FRMD4B: variants seen among roughly 807,000 people sequenced by gnomAD.
FRMD4B encodes FERM domain-containing protein 4B.
FRMD4B carries 74 observed loss-of-function variants against 141.5 expected under a neutral mutation model. The observed-to-expected ratio is 0.52, with a 90% CI of 0.43 to 0.63. The LOEUF is 0.63. Among genes scored for constraint, FRMD4B ranks in the 30% least tolerant of loss-of-function variants. The probability of loss-of-function intolerance (pLI) is 0.00; values close to 1 mark genes in which losing one functional copy is unlikely to be tolerated. For synonymous variants in FRMD4B, 506 were observed against 467.9 expected, an observed-to-expected ratio of 1.08 and a Z score of -1.05; for missense variants, 1,366 against 1,253.4, an observed-to-expected ratio of 1.09 and a Z score of -1.36.
chr3:69,325,302 A>T (rs2107304618), intron 1 of FRMD4B, among the ~76,000 whole-genome samples: 1 of 152,326 alleles, frequency 6.6e-6, no homozygotes, highest in South Asian at 2.1e-4. Flanking sequence ...ATGGACGGCC[A>T]TTGCTGCAGC....
chr3:69,357,376 C>A (rs900671), intron 1 of FRMD4B, among the ~76,000 whole-genome samples: 62,565 of 152,084 alleles, frequency 0.41, 14,995 homozygotes, highest in African/African-American at 0.67. Context: ...ACTTGGGGAG[C>A]CCTGTTTAGG....
intron 1 of FRMD4B, among the ~76,000 whole-genome samples, chr3:69,456,074 C>CTA (rs1178812790): frequency 6.6e-6 from 1 of 152,202 alleles, no homozygotes; most frequent in African/African-American, 2.4e-5. Context: ...TGCCGAGTAT[C>CTA]TCTAAAGAAC....
At chr3:69,412,266 T>C (rs1006574712) in intron 2 of FRMD4B, among the ~76,000 whole-genome samples, 10 of 152,292 alleles carry the variant, frequency 6.6e-5, no homozygotes, top group African/African-American at 1.7e-4. Context: ...GCAGATTCAA[T>C]AGACCTTTTG....
intron 1 of FRMD4B, among the ~76,000 whole-genome samples, chr3:69,479,418 T>C (rs1208734916): frequency 6.6e-6 from 1 of 152,146 alleles, no homozygotes; most frequent in African/African-American, 2.4e-5. Flanking sequence ...ACAAAATCTC[T>C]CAGCATTTGC....
chr3:69,343,894 C>A (rs955850979), intron 1 of FRMD4B, among the ~76,000 whole-genome samples: 4 of 152,028 alleles, frequency 2.6e-5, no homozygotes, highest in African/African-American at 9.7e-5. Context: ...TTAACAGTTT[C>A]TATACTCCCC....
chr3:69,270,474 T>G (rs191487809), intron 5 of FRMD4B, among the ~76,000 whole-genome samples: 30 of 152,350 alleles, frequency 2.0e-4, no homozygotes, highest in Admixed American at 1.8e-3. Flanking sequence ...TATGGATAAG[T>G]TTGGTTTTGT....
At chr3:69,212,360 AAAAAAAAAAAAAAAAAAAAAG>A (rs1443781150) in intron 11 of FRMD4B, among the ~76,000 whole-genome samples, 111 of 39,542 alleles carry the variant, frequency 2.8e-3, no homozygotes, top group African/African-American at 9.2e-3. Flanking sequence ...ACCCCGTCTC[AAAAAAAAAAAAAAAAAAAAAG>A]AAAAAAAAAA....
At chr3:69,315,920 A>G (rs973875160) in intron 1 of FRMD4B, among the ~76,000 whole-genome samples, 2 of 152,334 alleles carry the variant, frequency 1.3e-5, no homozygotes, top group African/African-American at 4.8e-5. Context: ...AATAGCCTCC[A>G]TTACTGAGTA....
rs6549229 is a variant in FRMD4B at position 69,529,277 on chromosome 3, C to T, written c.-129+12929G>A. 2.1e-3 allele frequency among the ~76,000 whole-genome samples: 327 copies of T among 152,262 alleles called. 2 individuals are homozygous for T. The highest frequency in any genetic ancestry group is 7.6e-3 in the African/African-American group (314 of 41,552). Reference sequence around the variant, plus strand: ...GATTGTTTTGTGGAATTTCCTGATTCGTAATTGCTGTTGATTGATTCAAAT... The same window carrying T: ...GATTGTTTTGTGGAATTTCCTGATTTGTAATTGCTGTTGATTGATTCAAAT... On this transcript the variant is annotated intron_variant, in intron 1 of 5. Transcript: ENST00000459638.
chr3:69,394,360 C>T (rs568749980), intron 2 of FRMD4B, among the ~76,000 whole-genome samples: 7 of 152,336 alleles, frequency 4.6e-5, no homozygotes, highest in Admixed American at 3.3e-4. Context: ...GTTTCAAATA[C>T]GGATCTTGGG....
intron 17 of FRMD4B, among the ~76,000 whole-genome samples, chr3:69,192,526 A>G (rs1227368010): frequency 6.6e-6 from 1 of 152,214 alleles, no homozygotes; most frequent in Non-Finnish European, 1.5e-5. Flanking sequence ...ATAAACATGT[A>G]AGGTCAATTG....
At chr3:69,212,052 G>A (rs1369941823) in intron 11 of FRMD4B, among the ~76,000 whole-genome samples, 1 of 150,750 alleles carries the variant, frequency 6.6e-6, no homozygotes, top group African/African-American at 2.4e-5. Flanking sequence ...AACGGAGAAA[G>A]AGAAGGCAAG....
intron 4 of FRMD4B, among the ~76,000 whole-genome samples, chr3:69,296,973 C>T (rs1274234660): frequency 6.6e-6 from 1 of 152,120 alleles, no homozygotes; most frequent in Non-Finnish European, 1.5e-5. Context: ...TCTGTACAGA[C>T]GTTTTTGTAA....
At chr3:69,229,774 C>T (rs1575634867) in intron 7 of FRMD4B, among the ~76,000 whole-genome samples, 2 of 152,092 alleles carry the variant, frequency 1.3e-5, no homozygotes, top group East Asian at 1.9e-4. Context: ...GTCGTGCGAT[C>T]TTGTTTGGTC....
intron 3 of FRMD4B, among the ~76,000 whole-genome samples, chr3:69,308,001 G>T (rs1360579313): frequency 6.6e-6 from 1 of 152,070 alleles, no homozygotes; most frequent in Non-Finnish European, 1.5e-5. Context: ...CTCTTGCCTA[G>T]GATGTCACCT....
At chr3:69,467,227 C>A (rs956009343) in intron 1 of FRMD4B, among the ~76,000 whole-genome samples, 1 of 152,144 alleles carries the variant, frequency 6.6e-6, no homozygotes, top group Non-Finnish European at 1.5e-5. Flanking sequence ...GTTCTCCAAG[C>A]TCAACTTTTC....
At position 69,234,011 on chromosome 3, in the gene FRMD4B, C is replaced by T. The variant is rs558080366; in HGVS notation, c.582-9321G>A. Among the ~76,000 whole-genome samples the T allele has an allele frequency of 2.2e-4, 33 of 152,204 alleles. No individual in the cohort carries two copies. In the South Asian group the frequency reaches 6.6e-3, roughly 31 times the overall value. On this transcript the variant is annotated intron_variant, in intron 7 of 22. Transcript: ENST00000398540. ...TCTGTAATCCCAACATTTAGGGAGG[C>T]TGGGGCTAGCAGATCACTTGAGGTC...
intron 2 of FRMD4B, among the ~76,000 whole-genome samples, chr3:69,311,850 T>C (rs1157679165): frequency 1.3e-5 from 2 of 152,114 alleles, no homozygotes; most frequent in Non-Finnish European, 2.9e-5. Flanking sequence ...TTACTATTTA[T>C]TATGCTGAAC....
rs376217342 is a variant in FRMD4B at position 69,501,404 on chromosome 3, T to A, written c.-129+40802A>T. 7.9e-5 allele frequency among the ~76,000 whole-genome samples: 12 copies of A among 152,222 alleles called. No individual in the cohort carries two copies. The East Asian group carries it at 1.5e-3, about 20-fold the overall frequency. ...ACAGTGTACAGTATAACACACTAGG[T>A]AAGGGCATGGATTCTGTAGCTCAGC... On this transcript the variant is annotated intron_variant, in intron 1 of 5. Transcript: ENST00000459638.
Sources: allele counts gnomAD v4.1 joint callset (sites outside exome capture counted in the v4.1 genomes callset), GRCh38; gene constraint gnomAD v4.1.1; transcripts MANE v1.5; gene names NCBI Gene and HGNC (gene_info 2026-07-23, HGNC 2026-07-21).